SGCZ: variants seen among roughly 807,000 people sequenced by gnomAD.
SGCZ encodes sarcoglycan zeta, also known as zeta-sarcoglycan.
Under a neutral mutation model 41.3 loss-of-function variants are expected in SGCZ, and 40 were observed. The observed-to-expected ratio is 0.97, with a 90% CI of 0.75 to 1.26. The LOEUF (loss-of-function observed/expected upper bound fraction) is 1.26. SGCZ is among the 50% of genes most tolerant of loss of function. The probability of loss-of-function intolerance (pLI) is 0.00; values close to 1 mark genes in which losing one functional copy is unlikely to be tolerated. For synonymous variants in SGCZ, 206 were observed against 137.5 expected (o/e 1.50, Z -3.49); for missense variants, 552 against 369.8 (o/e 1.49, Z -4.04).
intron 1 of SGCZ, among the ~76,000 whole-genome samples, chr8:15,199,655 C>G (rs373053683): frequency 1.1e-4 from 16 of 152,044 alleles, no homozygotes; most frequent in East Asian, 9.7e-4. Flanking sequence ...AGTCAGGAAC[C>G]TATAAATTCA....
At chr8:14,452,110 G>C (rs973989405) in intron 2 of SGCZ, among the ~76,000 whole-genome samples, 1 of 152,116 alleles carries the variant, frequency 6.6e-6, no homozygotes, top group African/African-American at 2.4e-5. Flanking sequence ...TGGATACACA[G>C]GGACACATCC....
At chr8:14,410,878 G>A (rs553332635) in intron 2 of SGCZ, among the ~76,000 whole-genome samples, 1 of 152,010 alleles carries the variant, frequency 6.6e-6, no homozygotes, top group African/African-American at 2.4e-5. Context: ...GCTATCTGAG[G>A]GAAAAGTTTA....
intron 3 of SGCZ, among the ~76,000 whole-genome samples, chr8:14,289,298 T>C (rs916811361): frequency 3.9e-5 from 6 of 152,084 alleles, no homozygotes; most frequent in African/African-American, 1.4e-4. Context: ...CTGTTATTTC[T>C]CTTTGGTTGT....
intron 2 of SGCZ, among the ~76,000 whole-genome samples, chr8:14,392,548 T>A (rs1804813979): frequency 6.6e-6 from 1 of 152,184 alleles, no homozygotes; most frequent in Non-Finnish European, 1.5e-5. Flanking sequence ...TCATTTCAGA[T>A]ATAGGGGTCC....
At chr8:15,225,744 A>T (rs972379720) in intron 1 of SGCZ, among the ~76,000 whole-genome samples, 7 of 152,178 alleles carry the variant, frequency 4.6e-5, no homozygotes, top group Non-Finnish European at 1.5e-5. Context: ...GGACAGAGGG[A>T]AAGTAGATGA....
rs188556381 is a variant in SGCZ, at chr8:14,093,181, C to T, written c.745-2544G>A. Among the ~76,000 whole-genome samples the T allele has an allele frequency of 5.0e-3, 768 of 152,144 alleles. 5 individuals carry two copies. Among genetic ancestry groups the T allele is most frequent in the Non-Finnish European group, 7.7e-3 (523 of 67,968 alleles). ...GACAGGAGTAGGAGAGAATATTCTG[C>T]TTTCTCTCTCTTTGCCCTCCCTCAT... On this transcript the variant is annotated intron_variant, in intron 7 of 7. Coordinates refer to ENST00000382080, the MANE Select transcript of SGCZ (RefSeq NM_139167.4).
rs1320864829 is a variant in SGCZ at position 14,361,424 on chromosome 8, T to C, written c.235-37220A>G. On this transcript the variant is annotated intron_variant, in intron 2 of 7. Transcript: ENST00000382080. ...ATCTTATCTTATCGCTTTATTTCAT[T>C]AATTTGCTCTTCAATCACTGATATC... Among the ~76,000 whole-genome samples, 4 of 152,206 alleles carry C rather than the reference T, an allele frequency of 2.6e-5. No individual in the cohort carries two copies. The East Asian group carries it at 7.7e-4, about 29-fold the overall frequency.
At chr8:14,903,887 G>A (rs1799046333) in intron 1 of SGCZ, among the ~76,000 whole-genome samples, 1 of 151,988 alleles carries the variant, frequency 6.6e-6, no homozygotes, top group Non-Finnish European at 1.5e-5. Context: ...GAAATCTAGG[G>A]AAGATTAACC....
intron 1 of SGCZ, among the ~76,000 whole-genome samples, chr8:15,112,337 T>C (rs1807101636): frequency 1.3e-5 from 2 of 152,238 alleles, no homozygotes; most frequent in Admixed American, 1.3e-4. Flanking sequence ...CAAACAATAG[T>C]ATTGAGTTTT....
At chr8:15,062,044 A>G (rs967952025) in intron 1 of SGCZ, among the ~76,000 whole-genome samples, 3 of 152,172 alleles carry the variant, frequency 2.0e-5, no homozygotes, top group Non-Finnish European at 4.4e-5. Flanking sequence ...CTGCACCAGA[A>G]CTGGAATATC....
intron 4 of SGCZ, among the ~76,000 whole-genome samples, chr8:14,166,575 C>T (rs917180829): frequency 6.6e-6 from 1 of 152,096 alleles, no homozygotes; most frequent in South Asian, 2.1e-4. Flanking sequence ...CAGTACATTG[C>T]TTCCTTCAAA....
At chr8:14,721,186 T>G (rs1054147432) in intron 1 of SGCZ, among the ~76,000 whole-genome samples, 2 of 152,178 alleles carry the variant, frequency 1.3e-5, no homozygotes, top group Non-Finnish European at 1.5e-5. Context: ...GAACCTCTTC[T>G]TTGTTACTAA....
chr8:14,332,951 A>G (rs1802390109), intron 2 of SGCZ, among the ~76,000 whole-genome samples: 1 of 150,824 alleles, frequency 6.6e-6, no homozygotes, highest in African/African-American at 2.4e-5. Context: ...GTGTATATAT[A>G]TAAAATGTTC....
intron 1 of SGCZ, among the ~76,000 whole-genome samples, chr8:15,038,411 C>T (rs913836863): frequency 5.3e-5 from 8 of 151,574 alleles, no homozygotes; most frequent in Non-Finnish European, 8.8e-5. Context: ...ACATGCAGAA[C>T]AATGAAACTA....
chr8:14,366,527 C>A (rs534403214), intron 2 of SGCZ, among the ~76,000 whole-genome samples: 64 of 152,058 alleles, frequency 4.2e-4, no homozygotes, highest in Non-Finnish European at 5.6e-4. Context: ...ATAACCATAT[C>A]ATTCCACCCC....
chr8:14,511,500 C>G (rs866219890), intron 2 of SGCZ, among the ~76,000 whole-genome samples: 1 of 151,966 alleles, frequency 6.6e-6, no homozygotes, highest in Non-Finnish European at 1.5e-5. Flanking sequence ...AATGCCAAAA[C>G]TGCTTAAGAA....
intron 3 of SGCZ, among the ~76,000 whole-genome samples, chr8:14,302,096 C>A (rs908755240): frequency 1.3e-5 from 2 of 152,132 alleles, no homozygotes; most frequent in South Asian, 2.1e-4. Flanking sequence ...CTTAAAGGTG[C>A]ATGCATCACT....
intron 4 of SGCZ, among the ~76,000 whole-genome samples, chr8:14,236,617 T>C (rs550436587): frequency 6.6e-5 from 10 of 151,608 alleles, no homozygotes; most frequent in South Asian, 6.3e-4. Context: ...GTCCTCAAAA[T>C]TGTAATTTAC....
chr8:14,478,842 G>A (rs1361670995), intron 2 of SGCZ, among the ~76,000 whole-genome samples: 3 of 151,920 alleles, frequency 2.0e-5, no homozygotes, highest in Non-Finnish European at 4.4e-5. Flanking sequence ...TTTATTTTCT[G>A]TTTCACTTGT....
Sources: allele counts gnomAD v4.1 joint callset (sites outside exome capture counted in the v4.1 genomes callset), GRCh38; gene constraint gnomAD v4.1.1; transcripts MANE v1.5; gene names NCBI Gene and HGNC (gene_info 2026-07-23, HGNC 2026-07-21).